Variants in ARMC2 observed in about 807,000 individuals in gnomAD.
ARMC2 encodes the protein armadillo repeat containing 2.
A neutral mutation model predicts 90.3 loss-of-function variants in ARMC2; 67 were observed. The observed-to-expected ratio is 0.74, with a 90% CI of 0.61 to 0.91. The LOEUF is 0.91. Among genes scored for constraint, ARMC2 ranks in the 40% least tolerant of loss-of-function variants. The pLI is 0.00. For missense variants in ARMC2, 920 were observed against 1,030.9 expected, an observed-to-expected ratio of 0.89 and a Z score of 1.47; for synonymous variants, 393 against 393.0, an observed-to-expected ratio of 1.00 and a Z score of 0.00.
At chr6:108,991,937 A>G in the ARMC2 span, among the ~76,000 whole-genome samples, 1 of 152,090 alleles carries the variant, frequency 6.6e-6, no homozygotes, top group Admixed American at 6.5e-5. Context: ...AAGCTTAATT[A>G]TTGTCTAGTC....
At chr6:109,000,746 G>A in the ARMC2 span, 1 of 1,180,110 alleles carries the variant, frequency 8.5e-7, no homozygotes, top group Non-Finnish European at 1.1e-6. Context: ...TTTACAACAT[G>A]CAAAAGAGCT....
chr6:108,910,909 G>A lies in ARMC2; in HGVS notation c.1034G>A (p.Ser345Asn). The A allele has an allele frequency of 6.5e-7, 1 of 1,534,862 alleles. No homozygotes were observed. The highest frequency in any genetic ancestry group is 8.9e-7 in the Non-Finnish European group (1 of 1,127,636). The change falls in exon 9 of 18, where the codon AGT becomes AAT. Residue 345 changes from serine to asparagine, a missense_variant. By Grantham distance (46) the Ser-to-Asn change is conservative. Coordinates refer to ENST00000392644, the MANE Select transcript of ARMC2 (RefSeq NM_032131.6). ...LAKIILALKVSRKNLLNVCKL... is the reference protein window; with the variant it reads ...LAKIILALKVNRKNLLNVCKL... Reference sequence around the variant, plus strand: ...TTTCTTTCTCTGCAGCTTAAAGTGAGTAGAAAGAATCTTCTTAATGTCTGC... The same window carrying A: ...TTTCTTTCTCTGCAGCTTAAAGTGAATAGAAAGAATCTTCTTAATGTCTGC...
chr6:108,873,713 G>A (rs575556308), intron 4 of ARMC2, among the ~76,000 whole-genome samples: 2 of 152,152 alleles, frequency 1.3e-5, no homozygotes, highest in Non-Finnish European at 2.9e-5. Flanking sequence ...CCAGACTTTT[G>A]TTCTCTTTTC....
chr6:108,978,924 T>C (rs1436708400), downstream of ARMC2, among the ~76,000 whole-genome samples: 1 of 152,136 alleles, frequency 6.6e-6, no homozygotes, highest in Non-Finnish European at 1.5e-5. Context: ...GAATACAGCA[T>C]ACCAATGGGT....
chr6:108,988,479 T>C, the ARMC2 span: 1 of 1,403,082 alleles, frequency 7.1e-7, no homozygotes, highest in South Asian at 1.4e-5. Context: ...ACCATTAGGT[T>C]AGGTGAAGGA....
chr6:108,992,895 A>T, the ARMC2 span: 1 of 1,602,876 alleles, frequency 6.2e-7, no homozygotes, highest in South Asian at 1.1e-5. Context: ...TAACTTCTTC[A>T]TCATCTGGGA....
the ARMC2 span, among the ~76,000 whole-genome samples, chr6:109,015,238 GTCTT>G: frequency 6.6e-6 from 1 of 152,144 alleles, no homozygotes; most frequent in South Asian, 2.1e-4. Context: ...TAAGCAATCT[GTCTT>G]TCAGAATCTC....
At chr6:108,858,107 T>C in intron 2 of ARMC2, 92 bp from the exon 3 acceptor site, 1 of 961,598 alleles carries the variant, frequency 1.0e-6, no homozygotes, top group African/African-American at 1.6e-5. Flanking sequence ...TGCATCCTTT[T>C]ACTTGTTTTT....
chr6:108,930,126 TA>T (rs548988083), intron 11 of ARMC2, among the ~76,000 whole-genome samples: 1,619 of 138,750 alleles, frequency 0.012, 16 homozygotes, highest in African/African-American at 0.031. Context: ...AGACCCTATC[TA>T]AAAAAAAAAA....
At chr6:108,982,011 G>A in the ARMC2 span, among the ~76,000 whole-genome samples, 129 of 152,198 alleles carry the variant, frequency 8.5e-4, 2 homozygotes, top group Admixed American at 6.7e-3. Context: ...CATTCTATGA[G>A]TATACCACAT....
intron 11 of ARMC2, among the ~76,000 whole-genome samples, chr6:108,933,910 G>A (rs1179211367): frequency 1.3e-5 from 2 of 152,186 alleles, no homozygotes; most frequent in Admixed American, 6.5e-5. Flanking sequence ...CGCCCAGGCT[G>A]GAGTGCAGTG....
At chr6:108,946,769 C>A (rs1050608984) in intron 12 of ARMC2, among the ~76,000 whole-genome samples, 16 of 152,230 alleles carry the variant, frequency 1.1e-4, no homozygotes, top group African/African-American at 3.6e-4. Flanking sequence ...TTAGTGGAAG[C>A]AGTTCCCTCC....
At chr6:108,990,458 A>G in the ARMC2 span, among the ~76,000 whole-genome samples, 14 of 152,344 alleles carry the variant, frequency 9.2e-5, no homozygotes, top group African/African-American at 3.1e-4. Flanking sequence ...CTGCCTAGCT[A>G]GGAAAGAGAA....
chr6:108,880,912 G>A (rs1777477395), intron 5 of ARMC2, among the ~76,000 whole-genome samples: 1 of 150,928 alleles, frequency 6.6e-6, no homozygotes, highest in Non-Finnish European at 1.5e-5. Context: ...ATGGAGTGCA[G>A]TGGCACAATC....
At chr6:108,953,464 T>G in intron 13 of ARMC2, 113 bp downstream of exon 13, 1 of 1,085,614 alleles carries the variant, frequency 9.2e-7, no homozygotes, top group East Asian at 2.6e-5. Flanking sequence ...TGGCTCCCTA[T>G]GAGAAAGTCT....
At chr6:109,009,597 G>T in the ARMC2 span, 4 of 1,045,854 alleles carry the variant, frequency 3.8e-6, no homozygotes, top group Admixed American at 5.4e-5. Context: ...GCGCGGCCCC[G>T]CCCCGCGCCC....
At chr6:108,991,618 T>C in the ARMC2 span, among the ~76,000 whole-genome samples, 15 of 152,324 alleles carry the variant, frequency 9.8e-5, no homozygotes, top group Non-Finnish European at 2.1e-4. Context: ...TTTAGCCCTA[T>C]TAACTGAGTC....
At chr6:108,866,080 T>C (rs976145120) in intron 3 of ARMC2, among the ~76,000 whole-genome samples, 2 of 151,674 alleles carry the variant, frequency 1.3e-5, no homozygotes, top group Admixed American at 6.6e-5. Flanking sequence ...TAGAAGGAGC[T>C]GTTTACTTTG....
chr6:109,008,624 C>CT, the ARMC2 span: 2 of 207,706 alleles, frequency 9.6e-6, no homozygotes, highest in African/African-American at 4.7e-5. Flanking sequence ...AGGCAACACT[C>CT]TGACAGCACC....
Sources: allele counts gnomAD v4.1 joint callset (sites outside exome capture counted in the v4.1 genomes callset), GRCh38; gene constraint gnomAD v4.1.1; transcripts MANE v1.5; gene names NCBI Gene and HGNC (gene_info 2026-07-23, HGNC 2026-07-21).